Variants in NOL4 observed in about 807,000 individuals in gnomAD.
The protein encoded by NOL4 is cancer/testis antigen 125.
A neutral mutation model predicts 75.9 loss-of-function variants in NOL4; 17 were observed. The observed-to-expected ratio is 0.22, with a 90% CI of 0.15 to 0.34. The LOEUF is 0.34. Among genes scored for constraint, NOL4 ranks in the 10% least tolerant of loss-of-function variants. NOL4 has a pLI of 1.00. For missense variants in NOL4, 614 were observed against 793.5 expected, an observed-to-expected ratio of 0.77 and a Z score of 2.72; for synonymous variants, 292 against 289.9, an observed-to-expected ratio of 1.01 and a Z score of -0.07.
At chr18:34,141,055 C>T (rs2081132347) in intron 1 of NOL4, among the ~76,000 whole-genome samples, 1 of 151,994 alleles carries the variant, frequency 6.6e-6, no homozygotes, top group Admixed American at 6.6e-5. Flanking sequence ...AAACAGAGAG[C>T]CAAATCATGA....
chr18:34,150,741 A>C (rs985079607), intron 1 of NOL4, among the ~76,000 whole-genome samples: 5 of 151,780 alleles, frequency 3.3e-5, no homozygotes, highest in African/African-American at 1.2e-4. Flanking sequence ...AGAATTGATA[A>C]GCTAGACTTC....
intron 1 of NOL4, among the ~76,000 whole-genome samples, chr18:34,130,398 A>G (rs1020395646): frequency 2.0e-5 from 3 of 151,986 alleles, no homozygotes; most frequent in Admixed American, 6.6e-5. Flanking sequence ...TAATTCATCC[A>G]AACAATATTG....
At chr18:34,086,168 C>G (rs1272002130) in intron 5 of NOL4, among the ~76,000 whole-genome samples, 1 of 151,994 alleles carries the variant, frequency 6.6e-6, no homozygotes, top group Non-Finnish European at 1.5e-5. Context: ...GAAAAAAGAG[C>G]AGCATTGTAT....
intron 6 of NOL4, among the ~76,000 whole-genome samples, chr18:34,015,847 C>G (rs148097640): frequency 2.0e-5 from 3 of 152,254 alleles, no homozygotes; most frequent in Non-Finnish European, 4.4e-5. Context: ...TCGTCATCCA[C>G]TTAGGCAACA....
chr18:33,997,519 G>T (rs2073386297), intron 6 of NOL4, among the ~76,000 whole-genome samples: 1 of 150,504 alleles, frequency 6.6e-6, no homozygotes, highest in Non-Finnish European at 1.5e-5. Context: ...GTCTGGCTTT[G>T]TTCTTTTTGC....
At chr18:34,218,352 C>T (rs1422149939) in intron 1 of NOL4, among the ~76,000 whole-genome samples, 1 of 152,148 alleles carries the variant, frequency 6.6e-6, no homozygotes, top group Non-Finnish European at 1.5e-5. Context: ...TGCCCCATCT[C>T]CCTATTGTGG....
intron 1 of NOL4, among the ~76,000 whole-genome samples, chr18:34,210,744 T>C (rs986437938): frequency 1.3e-5 from 2 of 152,238 alleles, no homozygotes; most frequent in African/African-American, 4.8e-5. Context: ...GATATCACTG[T>C]ATTAACTATG....
intron 5 of NOL4, among the ~76,000 whole-genome samples, chr18:34,062,461 G>A (rs925931647): frequency 3.3e-5 from 5 of 151,974 alleles, no homozygotes; most frequent in South Asian, 2.1e-4. Flanking sequence ...GGAAGTTGCC[G>A]AACCTCTTCT....
chr18:34,140,374 G>C (rs1188392469), intron 1 of NOL4, among the ~76,000 whole-genome samples: 1 of 152,114 alleles, frequency 6.6e-6, no homozygotes, highest in Non-Finnish European at 1.5e-5. Flanking sequence ...TGTATTGGGT[G>C]CATATATATT....
chr18:34,187,793 TA>T (rs2034606700), intron 1 of NOL4, among the ~76,000 whole-genome samples: 1 of 152,194 alleles, frequency 6.6e-6, no homozygotes, highest in African/African-American at 2.4e-5. Flanking sequence ...AAAATTTATT[TA>T]AAAAAATTTT....
intron 9 of NOL4, among the ~76,000 whole-genome samples, chr18:33,939,352 A>G (rs140127986): frequency 0.026 from 3,947 of 152,212 alleles, 62 homozygotes; most frequent in Non-Finnish European, 0.028. Flanking sequence ...CAATGAATCT[A>G]TAAATTACTT....
intron 10 of NOL4, among the ~76,000 whole-genome samples, chr18:33,879,344 T>C (rs1483203052): frequency 1.3e-5 from 2 of 152,138 alleles, no homozygotes; most frequent in Middle Eastern, 3.4e-3. Context: ...TAAGTACTTT[T>C]CACTACCTGG....
chr18:34,157,288 A>ATG (rs141478041), intron 1 of NOL4: 1 of 151,990 alleles, frequency 6.6e-6, no homozygotes, highest in Non-Finnish European at 1.5e-5. Context: ...GGTAGATGCC[A>ATG]GTAAGAAAAT....
intron 1 of NOL4, among the ~76,000 whole-genome samples, chr18:34,209,194 CA>C (rs777403436): frequency 0.08 from 4,540 of 56,466 alleles, 147 homozygotes; most frequent in African/African-American, 0.22. Context: ...ACTCTGTCTC[CA>C]AAAAAAAAAA....
chr18:34,108,414 A>T (rs541551833), intron 2 of NOL4, among the ~76,000 whole-genome samples: 52 of 134,606 alleles, frequency 3.9e-4, no homozygotes, highest in African/African-American at 1.0e-3. Flanking sequence ...AAATGAATTT[A>T]AAAAAAAAAG....
At chr18:34,007,275 C>T (rs934192300) in intron 6 of NOL4, among the ~76,000 whole-genome samples, 1 of 151,936 alleles carries the variant, frequency 6.6e-6, no homozygotes, top group South Asian at 2.1e-4. Flanking sequence ...TACAGGAGAT[C>T]CATTAGGGCA....
chr18:33,898,049 A>AGGT (rs2065519232), intron 9 of NOL4, among the ~76,000 whole-genome samples: 1 of 152,066 alleles, frequency 6.6e-6, no homozygotes, highest in Non-Finnish European at 1.5e-5. Flanking sequence ...ATGGGATCAC[A>AGGT]GGTGGGCATC....
intron 1 of NOL4, among the ~76,000 whole-genome samples, chr18:34,200,849 C>T (rs1303371670): frequency 1.3e-5 from 2 of 151,610 alleles, no homozygotes; most frequent in Non-Finnish European, 1.5e-5. Flanking sequence ...AGAAGAGTTC[C>T]ATAAGAAAGA....
chr18:34,223,411 G>A lies in NOL4; in HGVS notation c.-158C>T, dbSNP rs2037456542. On this transcript the variant is annotated 5_prime_UTR_variant, in exon 1 of 11. Transcript: ENST00000261592. ...GGTGGGGGAAGGGATGGGAAGAGGG[G>A]AGGAGGGTCCGGTTGGGCACCAGCA... 9.7e-7 allele frequency: 1 copy of A among 1,035,092 alleles called. No individual in the cohort carries two copies. The allele number at this position is 1,035,092 out of a possible 1,614,324, so 64.1% of individuals were successfully genotyped here.
Sources: gnomAD v4.1 joint callset for allele counts (sites outside exome capture counted in the v4.1 genomes callset) on GRCh38, gnomAD v4.1.1 for gene constraint, MANE v1.5 for transcripts, NCBI Gene and HGNC (gene_info 2026-07-23, HGNC 2026-07-21) for gene names.